The following DIP2B variants were observed in gnomAD, a reference collection of about 807,000 sequenced individuals.
DIP2B encodes DIP2 acetate--CoA ligase B (putative).
A neutral mutation model predicts 198.0 loss-of-function variants in DIP2B; 76 were observed. The ratio of observed to expected loss-of-function variants is 0.38; its 90% confidence interval spans 0.32 to 0.46. DIP2B has a LOEUF of 0.46. Ranked by LOEUF, DIP2B falls within the 20% of genes least tolerant of loss-of-function variation. The pLI is 0.99. For synonymous variants in DIP2B, 701 were observed against 739.1 expected (o/e 0.95, Z 0.84); for missense variants, 1,559 against 1,978.4 (o/e 0.79, Z 4.02).
At chr12:50,629,308 TCAGTGGTTCTCAAATTGTAG>T (rs1221706845) in intron 2 of DIP2B, among the ~76,000 whole-genome samples, 3 of 152,172 alleles carry the variant, frequency 2.0e-5, no homozygotes, top group Non-Finnish European at 2.9e-5. Flanking sequence ...TCACTCCATA[TCAGTGGTTCTCAAATTGTAG>T]CAAGCCCTCA....
chr12:50,587,125 C>G (rs1038953382), intron 1 of DIP2B, among the ~76,000 whole-genome samples: 1 of 152,120 alleles, frequency 6.6e-6, no homozygotes, highest in Non-Finnish European at 1.5e-5. Flanking sequence ...CTCTTAGGTT[C>G]CTTTCACTTC....
chr12:50,635,632 G>A (rs1287877883), intron 2 of DIP2B, among the ~76,000 whole-genome samples: 5 of 152,182 alleles, frequency 3.3e-5, no homozygotes, highest in Admixed American at 2.0e-4. Flanking sequence ...TCAAGGGTGC[G>A]AGTGTGACCA....
At chr12:50,698,984 C>A in intron 18 of DIP2B, 82 bp from the exon 19 acceptor site, 1 of 1,521,322 alleles carries the variant, frequency 6.6e-7, no homozygotes, top group East Asian at 2.3e-5. Context: ...GCAGGACTTT[C>A]TTGGGTTCAC....
chr12:50,596,190 C>T (rs554034670), intron 1 of DIP2B, among the ~76,000 whole-genome samples: 1 of 152,044 alleles, frequency 6.6e-6, no homozygotes, highest in Non-Finnish European at 1.5e-5. Context: ...CTTAGTATAT[C>T]GAAAGGAGTC....
intron 1 of DIP2B, among the ~76,000 whole-genome samples, chr12:50,557,517 C>T (rs1042854774): frequency 9.9e-5 from 15 of 152,178 alleles, no homozygotes; most frequent in Non-Finnish European, 1.9e-4. Flanking sequence ...AATGTTCTCA[C>T]AACAGTGGCA....
intron 1 of DIP2B, among the ~76,000 whole-genome samples, chr12:50,507,010 G>A (rs891543698): frequency 2.0e-5 from 3 of 152,088 alleles, no homozygotes; most frequent in African/African-American, 7.2e-5. Flanking sequence ...TTACATCTCT[G>A]GGTGTTTCTA....
chr12:50,737,885 G>A (rs1443216798), intron 35 of DIP2B, among the ~76,000 whole-genome samples: 1 of 152,122 alleles, frequency 6.6e-6, no homozygotes, highest in African/African-American at 2.4e-5. Context: ...CCCATGCCCA[G>A]CCTCCCCAAA....
At chr12:50,511,585 G>C (rs1016741629) in intron 1 of DIP2B, among the ~76,000 whole-genome samples, 1 of 151,644 alleles carries the variant, frequency 6.6e-6, no homozygotes, top group African/African-American at 2.4e-5. Flanking sequence ...GAGCCACCAG[G>C]CCGGGCCAAT....
At chr12:50,629,948 T>TG (rs1491113638) in intron 2 of DIP2B, among the ~76,000 whole-genome samples, 1 of 117,090 alleles carries the variant, frequency 8.5e-6, no homozygotes, top group African/African-American at 3.3e-5. Context: ...GTAAATTTAA[T>TG]TTTTTTTTTT....
At position 50,671,384 on chromosome 12, in the gene DIP2B, C is replaced by T. The variant is rs767714297; in HGVS notation, c.626C>T (p.Ala209Val). The T allele has an allele frequency of 6.2e-7, 1 of 1,614,076 alleles. No individual in the cohort carries two copies. The highest frequency in any genetic ancestry group is 8.5e-7 in the Non-Finnish European group (1 of 1,180,004). ...GTSGSLADVF[A>V]NTRIENFSAP... Reference sequence around the variant, plus strand: ...AGTGGGTCTCTAGCTGATGTATTTGCCAATACTCGAATAGGTAGGAGCTGG... The same window carrying T: ...AGTGGGTCTCTAGCTGATGTATTTGTCAATACTCGAATAGGTAGGAGCTGG... The change falls in exon 5 of 38, where the codon GCC (alanine) becomes GTC (valine). Residue 209 changes from alanine (A) to valine (V), a missense_variant. Transcript: ENST00000301180.
intron 1 of DIP2B, among the ~76,000 whole-genome samples, chr12:50,592,723 G>T (rs1197214162): frequency 6.6e-6 from 1 of 152,108 alleles, no homozygotes; most frequent in East Asian, 1.9e-4. Context: ...TGATCTGCCC[G>T]CCTCGGCCTC....
rs376953551 is a variant in DIP2B at position 50,714,614 on chromosome 12, A to G, written c.2851+18A>G. On this transcript the variant is annotated intron_variant, in intron 23 of 37. Transcript: ENST00000301180. ...ACAACCAGGTAATATGCTGGCTTCC[A>G]AGACCTGGCACTAAAATTCCAACTT... The G allele has an allele frequency of 8.7e-6, 14 of 1,613,476 alleles. No individual in the cohort carries two copies. Among genetic ancestry groups the G allele is most frequent in the Non-Finnish European group, 1.2e-5 (14 of 1,179,676 alleles).
chr12:50,512,234 G>T (rs58909145), intron 1 of DIP2B, among the ~76,000 whole-genome samples: 1,951 of 151,228 alleles, frequency 0.013, 49 homozygotes, highest in African/African-American at 0.045. Context: ...AGCCTACTGA[G>T]TAGCTGGGAT....
intron 2 of DIP2B, among the ~76,000 whole-genome samples, chr12:50,627,452 G>A (rs1317027603): frequency 6.6e-6 from 1 of 152,076 alleles, no homozygotes; most frequent in African/African-American, 2.4e-5. Context: ...TCCTGCCTCA[G>A]CCTCCTGAGT....
At chr12:50,539,674 G>T (rs114967630) in intron 1 of DIP2B, among the ~76,000 whole-genome samples, 2,066 of 151,200 alleles carry the variant, frequency 0.014, 42 homozygotes, top group African/African-American at 0.047. Context: ...TTGAACACTG[G>T]TAGATCCATG....
intron 1 of DIP2B, among the ~76,000 whole-genome samples, chr12:50,521,652 C>T (rs1229099895): frequency 2.0e-5 from 3 of 151,994 alleles, no homozygotes; most frequent in Non-Finnish European, 2.9e-5. Flanking sequence ...GTCACCATCA[C>T]GCCCAGCTAA....
intron 23 of DIP2B, among the ~76,000 whole-genome samples, chr12:50,718,246 C>T (rs1406916619): frequency 1.3e-5 from 2 of 152,212 alleles, no homozygotes; most frequent in African/African-American, 2.4e-5. Flanking sequence ...TAAACTCCCT[C>T]AGGCCTTGTA....
chr12:50,633,167 G>C (rs191243695), intron 2 of DIP2B: 1 of 152,242 alleles, frequency 6.6e-6, no homozygotes, highest in East Asian at 1.9e-4. Flanking sequence ...TTTCTCAAAT[G>C]TTACATAAAT....
chr12:50,739,701 A>G (rs1410691339), intron 36 of DIP2B, 115 bp downstream of exon 36: 4 of 1,260,404 alleles, frequency 3.2e-6, no homozygotes, highest in Non-Finnish European at 4.4e-6. Context: ...CCCTTCGGTG[A>G]CTCTTAAACC....
Sources: gnomAD v4.1 joint callset for allele counts (sites outside exome capture counted in the v4.1 genomes callset) on GRCh38, gnomAD v4.1.1 for gene constraint, MANE v1.5 for transcripts, NCBI Gene and HGNC (gene_info 2026-07-23, HGNC 2026-07-21) for gene names.